ADAMTSL1: variants seen among roughly 807,000 people sequenced by gnomAD.
ADAMTSL1 encodes ADAMTS-like protein 1.
In ADAMTSL1, 126 loss-of-function variants were observed where a neutral mutation model predicts 201.8. That is an observed-to-expected ratio of 0.62 (90% CI 0.54 to 0.72). ADAMTSL1 has a LOEUF of 0.72. ADAMTSL1 is among the 30% of genes least tolerant of loss of function. ADAMTSL1 has a pLI of 0.00. For missense variants in ADAMTSL1, 2,679 were observed against 2,277.8 expected, an observed-to-expected ratio of 1.18 and a Z score of -3.59; for synonymous variants, 1,121 against 903.4, an observed-to-expected ratio of 1.24 and a Z score of -4.32.
chr9:18,853,167 G>T (rs932774102), intron 23 of ADAMTSL1, among the ~76,000 whole-genome samples: 1 of 152,170 alleles, frequency 6.6e-6, no homozygotes, highest in African/African-American at 2.4e-5. Context: ...AACAGATGGG[G>T]ATTAGACAGG....
intron 2 of ADAMTSL1, among the ~76,000 whole-genome samples, chr9:18,282,928 T>C (rs1485117839): frequency 6.6e-6 from 1 of 152,190 alleles, no homozygotes; most frequent in Non-Finnish European, 1.5e-5. Context: ...ATGTGTTTGT[T>C]TTTAACCTGA....
At chr9:18,705,465 G>A (rs1289407209) in intron 13 of ADAMTSL1, among the ~76,000 whole-genome samples, 1 of 152,038 alleles carries the variant, frequency 6.6e-6, no homozygotes, top group Non-Finnish European at 1.5e-5. Flanking sequence ...GGACATTTTT[G>A]GAGATTTGGG....
chr9:18,829,802 T>A, intron 22 of ADAMTSL1, 41 bp from the exon 23 acceptor site: 1 of 1,612,744 alleles, frequency 6.2e-7, no homozygotes, highest in Non-Finnish European at 8.5e-7. Flanking sequence ...GACACAGCCC[T>A]GTGCTTTAAC....
chr9:18,442,728 A>T (rs1327167186), intron 2 of ADAMTSL1, among the ~76,000 whole-genome samples: 1 of 152,158 alleles, frequency 6.6e-6, no homozygotes, highest in Non-Finnish European at 1.5e-5. Flanking sequence ...TTTTTCTTTT[A>T]TCTTTAAACG....
chr9:18,776,875 G>A lies in ADAMTSL1; in HGVS notation c.2646G>A (p.Val882=), dbSNP rs771369357. Residue 882 remains valine (V), a synonymous_variant, in exon 19 of 29, where the codon GTG becomes GTA. Coordinates refer to ENST00000380548, the MANE Select transcript of ADAMTSL1 (RefSeq NM_001040272.6). ...QTRRQRKLHF[V]VGGFAYLLPK... is the part of the protein sequence containing the mutation. ...GCAGGCAGAGGAAGCTGCACTTCGT[G>A]GTGGGGGGCTTCGCCTACCTGCTCC... The A allele has an allele frequency of 6.2e-7, 1 of 1,611,440 alleles. No individual in the cohort carries two copies. The highest frequency in any genetic ancestry group is 8.5e-7 in the Non-Finnish European group (1 of 1,179,270).
intron 1 of ADAMTSL1, among the ~76,000 whole-genome samples, chr9:18,134,840 C>T (rs2131980216): frequency 6.6e-6 from 1 of 152,258 alleles, no homozygotes; most frequent in South Asian, 2.1e-4. Flanking sequence ...TTAGCACAGA[C>T]AATAAGGACA....
intron 23 of ADAMTSL1, among the ~76,000 whole-genome samples, chr9:18,831,604 G>A (rs1407165235): frequency 6.6e-6 from 1 of 152,138 alleles, no homozygotes; most frequent in African/African-American, 2.4e-5. Context: ...ACTTTATGTT[G>A]CCACATTCCA....
At chr9:18,094,263 T>G (rs1824147154) in intron 1 of ADAMTSL1, among the ~76,000 whole-genome samples, 1 of 152,198 alleles carries the variant, frequency 6.6e-6, no homozygotes, top group East Asian at 1.9e-4. Flanking sequence ...AGAAGAAACC[T>G]TTCTGCAGCT....
intron 1 of ADAMTSL1, among the ~76,000 whole-genome samples, chr9:18,476,671 C>CTT (rs141463331): frequency 6.6e-6 from 1 of 151,726 alleles, no homozygotes; most frequent in Non-Finnish European, 1.5e-5. Flanking sequence ...TTCCTATAGT[C>CTT]TTTTTTTTGT....
At chr9:18,590,574 C>T (rs962311570) in intron 4 of ADAMTSL1, among the ~76,000 whole-genome samples, 7 of 151,378 alleles carry the variant, frequency 4.6e-5, no homozygotes, top group African/African-American at 1.5e-4. Context: ...TTAGTTTGTT[C>T]TTTTTTTTCT....
intron 16 of ADAMTSL1, among the ~76,000 whole-genome samples, chr9:18,762,589 C>G (rs372607473): frequency 6.6e-6 from 1 of 152,012 alleles, no homozygotes; most frequent in African/African-American, 2.4e-5. Context: ...AATAGTAGGT[C>G]TTATTCTATT....
chr9:18,403,970 C>G (rs1818083590), intron 2 of ADAMTSL1, among the ~76,000 whole-genome samples: 1 of 152,068 alleles, frequency 6.6e-6, no homozygotes, highest in African/African-American at 2.4e-5. Context: ...CAAGAAATTT[C>G]TCAAATTGAG....
At chr9:18,258,547 AAGGGAGAGGTCTCACCTAGCAG>A (rs750853622) in intron 2 of ADAMTSL1, among the ~76,000 whole-genome samples, 124 of 152,220 alleles carry the variant, frequency 8.1e-4, no homozygotes, top group Non-Finnish European at 1.4e-3. Context: ...TTCTGTTCCA[AAGGGAGAGGTCTCACCTAGCAG>A]AGACAATCAC....
intron 13 of ADAMTSL1, among the ~76,000 whole-genome samples, chr9:18,702,862 A>G (rs192363162): frequency 6.4e-4 from 97 of 151,862 alleles, no homozygotes; most frequent in Admixed American, 2.2e-3. Flanking sequence ...TCCCGGGCCC[A>G]AGCAATTCTC....
intron 2 of ADAMTSL1, among the ~76,000 whole-genome samples, chr9:18,454,202 A>C (rs1312872599): frequency 6.6e-6 from 1 of 152,252 alleles, no homozygotes; most frequent in Non-Finnish European, 1.5e-5. Context: ...CAAAGGCCTG[A>C]GAATCCAGGG....
At chr9:18,738,410 T>C (rs1818639596) in intron 15 of ADAMTSL1, among the ~76,000 whole-genome samples, 1 of 152,098 alleles carries the variant, frequency 6.6e-6, no homozygotes, top group South Asian at 2.1e-4. Flanking sequence ...AACTAGACAA[T>C]GAGAGTGGGA....
chr9:17,985,657 A>G (rs144441647), intron 1 of ADAMTSL1, among the ~76,000 whole-genome samples: 1,942 of 152,248 alleles, frequency 0.013, 46 homozygotes, highest in African/African-American at 0.044. Flanking sequence ...AACTTTGCAT[A>G]TATTACATAA....
intron 2 of ADAMTSL1, among the ~76,000 whole-genome samples, chr9:18,464,811 A>G (rs1029372563): frequency 1.3e-5 from 2 of 152,318 alleles, no homozygotes; most frequent in Admixed American, 6.5e-5. Flanking sequence ...TATCATTTAC[A>G]TGGAGTGGGA....
At chr9:18,754,222 C>G (rs924134969) in intron 16 of ADAMTSL1, among the ~76,000 whole-genome samples, 22 of 152,288 alleles carry the variant, frequency 1.4e-4, no homozygotes, top group African/African-American at 4.1e-4. Context: ...ATGTGCTATC[C>G]CTTTACAAAC....
Sources: allele counts gnomAD v4.1 joint callset (sites outside exome capture counted in the v4.1 genomes callset), GRCh38; gene constraint gnomAD v4.1.1; transcripts MANE v1.5; gene names NCBI Gene and HGNC (gene_info 2026-07-23, HGNC 2026-07-21).